The following VPS54 variants were observed in gnomAD, a reference collection of about 807,000 sequenced individuals.
VPS54 encodes vacuolar protein sorting-associated protein 54.
VPS54 carries 45 observed loss-of-function variants against 121.5 expected under a neutral mutation model. The ratio of observed to expected loss-of-function variants is 0.37; its 90% CI spans 0.29 to 0.47. The LOEUF (loss-of-function observed/expected upper bound fraction) is 0.47. VPS54 is among the 20% of genes least tolerant of loss of function. VPS54 has a pLI of 0.99. For missense variants in VPS54, 1,090 were observed against 1,131.4 expected (o/e 0.96, Z 0.52); for synonymous variants, 371 against 385.8 (o/e 0.96, Z 0.45).
intron 16 of VPS54, 92 bp from the exon 17 acceptor site, chr2:63,914,379 A>T: frequency 1.2e-6 from 1 of 813,266 alleles, no homozygotes; most frequent in Non-Finnish European, 2.0e-6. Context: ...TAATGGCACA[A>T]AGGATCTCTG....
Position 63,899,575 on chromosome 2 carries a change from C to T in VPS54, c.2632G>A (p.Val878Met), listed in dbSNP as rs1672588282. ...LFDKLLSKYE[V>M]KAPVPSACFR... ...CAGGCAGAAGGAACAGGAGCCTTCA[C>T]TTCATACTGGTAGGAAAAAATAATG... is the stretch of plus-strand genomic sequence containing the variant. Residue 878 changes from valine (V) to methionine (M), a missense_variant, in exon 21 of 23, where the codon GTG becomes ATG. By Grantham distance (21) the Val-to-Met change is conservative (BLOSUM62 1). Around this residue, in one of 2 missense-constraint regions of VPS54, gnomAD observed 289 missense variants for 374.4 expected, o/e 0.77. Coordinates refer to ENST00000272322, the MANE Select transcript of VPS54 (RefSeq NM_016516.3). The T allele has an allele frequency of 6.2e-7, 1 of 1,612,790 alleles. No individual in the cohort carries two copies. Among genetic ancestry groups the T allele is most frequent in the Non-Finnish European group, 8.5e-7 (1 of 1,179,538 alleles).
chr2:63,972,559 G>C (rs932795262), intron 3 of VPS54, among the ~76,000 whole-genome samples: 4 of 152,074 alleles, frequency 2.6e-5, no homozygotes, highest in African/African-American at 9.7e-5. Context: ...TTTGAATCAA[G>C]AAAGAAAATT....
At chr2:64,009,081 C>A (rs1338455406) in intron 1 of VPS54, among the ~76,000 whole-genome samples, 3 of 152,170 alleles carry the variant, frequency 2.0e-5, no homozygotes, top group Admixed American at 6.5e-5. Flanking sequence ...TCTGTCTCTG[C>A]ACCAATAAAA....
intron 12 of VPS54, among the ~76,000 whole-genome samples, chr2:63,930,033 C>T (rs1674111709): frequency 6.6e-6 from 1 of 152,224 alleles, no homozygotes; most frequent in South Asian, 2.1e-4. Flanking sequence ...AGCCTACCAA[C>T]CAAAAAAAGT....
Position 63,903,426 on chromosome 2 carries a change from G to A in VPS54, c.2626-3845C>T, listed in dbSNP as rs116473396. Among the ~76,000 whole-genome samples the A allele has an allele frequency of 5.7e-3, 865 of 152,094 alleles. 19 individuals are homozygous for A. The highest frequency in any genetic ancestry group is 9.8e-3 in the East Asian group (51 of 5,182). On this transcript the variant is annotated intron_variant, in intron 20 of 22. Coordinates refer to ENST00000272322, the MANE Select transcript of VPS54 (RefSeq NM_016516.3). Reference sequence around the variant, plus strand: ...GAATGTTTTCAGGCAGTATGGTATCGGATGGATCCAAGCAAAGTAATGAAG... The same window carrying A: ...GAATGTTTTCAGGCAGTATGGTATCAGATGGATCCAAGCAAAGTAATGAAG...
Position 63,893,350 on chromosome 2 carries a change from TCGAATCACAGGCATC to T in VPS54, c.*65_*79del, listed in dbSNP as rs760989388. On this transcript the variant is annotated 3_prime_UTR_variant, in exon 23 of 23. Coordinates refer to ENST00000272322, the MANE Select transcript of VPS54 (RefSeq NM_016516.3). ...TCACTTTGGGTTTCAGGTTCAATTCTCGAATCACAGGCATCCAGATTTTCTTCATAACAAACACAT... is the reference window on the plus strand; with the variant it reads ...TCACTTTGGGTTTCAGGTTCAATTCTCAGATTTTCTTCATAACAAACACAT... 3.2e-6 allele frequency: 4 copies of T among 1,257,828 alleles called. No individual in the cohort carries two copies. Among genetic ancestry groups the T allele is most frequent in the African/African-American group, 2.9e-5 (2 of 67,860 alleles). The allele number at this position is 1,257,828 out of a possible 1,614,324, so 77.9% of individuals were successfully genotyped here.
At chr2:63,897,405 T>G in intron 22 of VPS54, 91 bp downstream of exon 22, 2 of 902,034 alleles carry the variant, frequency 2.2e-6, no homozygotes, top group Admixed American at 3.0e-5. Context: ...TTCAGTGTGA[T>G]TACAGCAGAA....
Position 63,921,261 on chromosome 2 carries a change from C to A in VPS54, c.1814G>T (p.Ser605Ile). Reference sequence around the variant, plus strand: ...TCGATCATGGCATATATCTGAGGCACTATATAATAATTCCTGGATATTATT... The same window carrying A: ...TCGATCATGGCATATATCTGAGGCAATATATAATAATTCCTGGATATTATT... ...LANNIQELLY[S>I]ASDICHDRAV... is the part of the protein sequence containing the mutation. Residue 605 changes from serine (S) to isoleucine (I), a missense_variant, in exon 13 of 23, where the codon AGT becomes ATT. By Grantham distance (142) the Ser-to-Ile change is moderately radical. This residue lies in a region of VPS54 where 801 missense variants were observed against 757.0 expected (regional missense o/e 1.06). Coordinates refer to ENST00000272322, the MANE Select transcript of VPS54 (RefSeq NM_016516.3). 1 of 1,613,164 alleles carries A rather than the reference C, an allele frequency of 6.2e-7. No individual in the cohort carries two copies. The highest frequency in any genetic ancestry group is 8.5e-7 in the Non-Finnish European group (1 of 1,179,540).
chr2:63,951,848 G>A (rs556143294), intron 7 of VPS54, among the ~76,000 whole-genome samples: 9 of 152,240 alleles, frequency 5.9e-5, no homozygotes, highest in African/African-American at 1.9e-4. Flanking sequence ...CCAAACCCAT[G>A]TTGTTCAAGG....
At chr2:64,015,802 T>C (rs1678659382) in intron 1 of VPS54, among the ~76,000 whole-genome samples, 1 of 152,222 alleles carries the variant, frequency 6.6e-6, no homozygotes, top group African/African-American at 2.4e-5. Flanking sequence ...GATATCTAAA[T>C]AATACATTTG....
intron 2 of VPS54, among the ~76,000 whole-genome samples, chr2:63,983,029 T>A (rs934270289): frequency 6.6e-6 from 1 of 152,228 alleles, no homozygotes; most frequent in Admixed American, 6.5e-5. Context: ...GAGGGCTGAC[T>A]GTACCATGTT....
At chr2:63,946,768 G>A (rs1282212730) in intron 9 of VPS54, among the ~76,000 whole-genome samples, 3 of 151,976 alleles carry the variant, frequency 2.0e-5, no homozygotes, top group Non-Finnish European at 4.4e-5. Context: ...TAGAGATTAG[G>A]ATAAAAAGGA....
chr2:63,930,898 C>G (rs551174584), intron 12 of VPS54, among the ~76,000 whole-genome samples: 1 of 151,966 alleles, frequency 6.6e-6, no homozygotes, highest in African/African-American at 2.4e-5. Flanking sequence ...AAATCATGAG[C>G]GAACTCCCAT....
At chr2:63,913,358 C>T in intron 17 of VPS54, 48 bp from the exon 18 acceptor site, 1 of 1,401,990 alleles carries the variant, frequency 7.1e-7, no homozygotes, top group East Asian at 2.4e-5. Context: ...AAAAACTGTT[C>T]TTTATATCCT....
At chr2:64,006,908 C>T (rs1576017836) in intron 1 of VPS54, among the ~76,000 whole-genome samples, 1 of 152,162 alleles carries the variant, frequency 6.6e-6, no homozygotes, top group East Asian at 1.9e-4. Flanking sequence ...CGTGAGCCAC[C>T]ACGCCCGGCA....
At chr2:63,970,244 T>TATATAGATATATATAGATATATATAG (rs1676210990) in intron 4 of VPS54, among the ~76,000 whole-genome samples, 2 of 97,910 alleles carry the variant, frequency 2.0e-5, no homozygotes, top group African/African-American at 4.1e-5. Flanking sequence ...CACATTCTAA[T>TATATAGATATATATAGATATATATAG]ATATATATAG....
At chr2:64,005,547 A>G (rs563540628) in intron 1 of VPS54, among the ~76,000 whole-genome samples, 1 of 152,362 alleles carries the variant, frequency 6.6e-6, no homozygotes, top group South Asian at 2.1e-4. Context: ...GGTACTGTAA[A>G]TGTACTGTCC....
At chr2:63,995,293 G>C (rs530772684) in intron 1 of VPS54, among the ~76,000 whole-genome samples, 5 of 152,180 alleles carry the variant, frequency 3.3e-5, no homozygotes, top group Non-Finnish European at 7.4e-5. Flanking sequence ...GAATCAAACT[G>C]TCCAATGCAT....
chr2:63,982,469 G>C (rs557791414), intron 2 of VPS54, among the ~76,000 whole-genome samples: 66 of 152,290 alleles, frequency 4.3e-4, no homozygotes, highest in African/African-American at 1.4e-3. Context: ...ACCACTGCTT[G>C]TAGGGAAACT....
Sources: allele counts gnomAD v4.1 joint callset (sites outside exome capture counted in the v4.1 genomes callset), GRCh38; gene constraint gnomAD v4.1.1; regional missense constraint gnomAD v4.1.1; transcripts MANE v1.5; gene names NCBI Gene and HGNC (gene_info 2026-07-23, HGNC 2026-07-21).